EPHB1: variants seen among roughly 807,000 people sequenced by gnomAD.
EPHB1 encodes ephrin type-B receptor 1.
EPHB1 carries 30 observed loss-of-function variants against 94.4 expected under a neutral mutation model. That is an observed-to-expected ratio of 0.32 (90% CI 0.24 to 0.43). The LOEUF (loss-of-function observed/expected upper bound fraction) is 0.43, where lower values mean the gene tolerates loss of function less well. EPHB1 is among the 20% of genes least tolerant of loss of function. The pLI is 1.00. For missense variants in EPHB1, 1,055 were observed against 1,308.3 expected, an observed-to-expected ratio of 0.81 and a Z score of 2.99; for synonymous variants, 522 against 489.1, an observed-to-expected ratio of 1.07 and a Z score of -0.89.
chr3:134,841,900 G>T (rs2036785140), intron 1 of EPHB1, among the ~76,000 whole-genome samples: 1 of 152,022 alleles, frequency 6.6e-6, no homozygotes, highest in Non-Finnish European at 1.5e-5. Flanking sequence ...GTTTTTTCCT[G>T]GCTGAACTCA....
intron 1 of EPHB1, among the ~76,000 whole-genome samples, chr3:134,825,697 C>A (rs1259442268): frequency 6.6e-6 from 1 of 152,178 alleles, no homozygotes; most frequent in Non-Finnish European, 1.5e-5. Context: ...CTTGTTCTTA[C>A]TCAACCCATG....
At chr3:134,825,007 A>C (rs2036449515) in intron 1 of EPHB1, among the ~76,000 whole-genome samples, 1 of 152,252 alleles carries the variant, frequency 6.6e-6, no homozygotes, top group Admixed American at 6.5e-5. Flanking sequence ...GCAGGACTGT[A>C]AGAGCTAATA....
intron 2 of EPHB1, among the ~76,000 whole-genome samples, chr3:134,927,709 A>G (rs889390592): frequency 3.3e-5 from 5 of 152,224 alleles, no homozygotes; most frequent in Non-Finnish European, 4.4e-5. Context: ...CTTGAGGGAA[A>G]CATTCAAAGT....
At chr3:135,142,296 GT>G (rs1223269400) in intron 5 of EPHB1, among the ~76,000 whole-genome samples, 1 of 152,186 alleles carries the variant, frequency 6.6e-6, no homozygotes, top group Non-Finnish European at 1.5e-5. Context: ...CTCATTTGAA[GT>G]TGGTGATCAC....
At chr3:135,151,907 T>A (rs536100573) in intron 5 of EPHB1, among the ~76,000 whole-genome samples, 1 of 152,204 alleles carries the variant, frequency 6.6e-6, no homozygotes, top group African/African-American at 2.4e-5. Flanking sequence ...AGGTTATATA[T>A]AACTGCCATT....
intron 12 of EPHB1, among the ~76,000 whole-genome samples, chr3:135,226,399 A>G (rs559141829): frequency 5.2e-5 from 8 of 152,388 alleles, no homozygotes; most frequent in African/African-American, 1.9e-4. Context: ...GAATGAATTA[A>G]GAAATTCACG....
At chr3:134,844,536 G>A (rs978553183) in intron 1 of EPHB1, among the ~76,000 whole-genome samples, 7 of 152,132 alleles carry the variant, frequency 4.6e-5, no homozygotes, top group African/African-American at 1.4e-4. Context: ...TACTGCTGCC[G>A]GATATGGCAT....
At chr3:134,932,815 C>A (rs2038930894) in intron 2 of EPHB1, among the ~76,000 whole-genome samples, 1 of 152,156 alleles carries the variant, frequency 6.6e-6, no homozygotes, top group Admixed American at 6.5e-5. Context: ...AGAAATTTAG[C>A]TCTGGGCAAA....
At chr3:135,073,761 T>C (rs1267438705) in intron 3 of EPHB1, among the ~76,000 whole-genome samples, 1 of 152,184 alleles carries the variant, frequency 6.6e-6, no homozygotes, top group African/African-American at 2.4e-5. Flanking sequence ...ATCTATAGTT[T>C]TCCCCCTTTC....
At chr3:135,251,001 A>G (rs993171146) in intron 15 of EPHB1, among the ~76,000 whole-genome samples, 1 of 151,228 alleles carries the variant, frequency 6.6e-6, no homozygotes, top group South Asian at 2.1e-4. Context: ...TGACATTCCA[A>G]CAGTTTTCCT....
chr3:134,910,650 T>C (rs36214), intron 1 of EPHB1, among the ~76,000 whole-genome samples: 53,682 of 152,118 alleles, frequency 0.35, 12,589 homozygotes, highest in African/African-American at 0.66. Context: ...AGGGGTAGAA[T>C]GGCAAAAGGT....
chr3:134,871,937 G>A (rs1246142439), intron 1 of EPHB1, among the ~76,000 whole-genome samples: 2 of 152,234 alleles, frequency 1.3e-5, no homozygotes, highest in African/African-American at 2.4e-5. Flanking sequence ...GTGGTAGCCA[G>A]ATAGCTTCAT....
intron 3 of EPHB1, among the ~76,000 whole-genome samples, chr3:135,085,351 T>C (rs1322985244): frequency 6.6e-6 from 1 of 152,258 alleles, no homozygotes; most frequent in East Asian, 1.9e-4. Flanking sequence ...GACATTTGGC[T>C]GTTCTCTTGG....
intron 1 of EPHB1, among the ~76,000 whole-genome samples, chr3:134,802,228 A>C (rs962889661): frequency 2.0e-5 from 3 of 151,828 alleles, no homozygotes; most frequent in African/African-American, 7.3e-5. Context: ...CGAGGTCAGG[A>C]GATTGAGAAC....
At chr3:134,965,910 T>G (rs958423841) in intron 3 of EPHB1, among the ~76,000 whole-genome samples, 1 of 152,202 alleles carries the variant, frequency 6.6e-6, no homozygotes, top group Non-Finnish European at 1.5e-5. Context: ...TCCCAGGGGT[T>G]GGTGGCCTTG....
intron 9 of EPHB1, among the ~76,000 whole-genome samples, chr3:135,175,797 C>T (rs1194727610): frequency 6.6e-6 from 1 of 152,030 alleles, no homozygotes; most frequent in East Asian, 1.9e-4. Flanking sequence ...TAATATTTCC[C>T]CAACACTCAC....
rs148191353 is a variant in EPHB1 at position 135,098,833 on chromosome 3, A to G, written c.806-7615A>G. Among the ~76,000 whole-genome samples the G allele has an allele frequency of 9.1e-3, 1,377 of 152,058 alleles. 17 individuals are homozygous for G. The highest frequency in any genetic ancestry group is 0.032 in the African/African-American group (1,309 of 41,488). ...TCAGAACAAGCCTGGCCAACACGGT[A>G]AAACCCCGTCTGTACTAAAAATACA... On this transcript the variant is annotated intron_variant, in intron 3 of 15. Coordinates refer to ENST00000398015, the MANE Select transcript of EPHB1 (RefSeq NM_004441.5).
rs1942488712 is a variant in EPHB1, at chr3:135,192,563, T to G, written c.1883-13T>G. 1 of 1,611,818 alleles carries G rather than the reference T, an allele frequency of 6.2e-7. No homozygotes were observed. Among genetic ancestry groups the G allele is most frequent in the South Asian group, 1.1e-5 (1 of 90,924 alleles). On this transcript the variant is annotated splice_polypyrimidine_tract_variant and intron_variant, in intron 10 of 15. Coordinates refer to ENST00000398015, the MANE Select transcript of EPHB1 (RefSeq NM_004441.5). Reference sequence around the variant, plus strand: ...GAAGGAAGAGGATATTAATGGCATTTTTGCTGTTGCAGGGGAGTTTGGAGA... The same window carrying G: ...GAAGGAAGAGGATATTAATGGCATTGTTGCTGTTGCAGGGGAGTTTGGAGA...
At chr3:135,064,556 AT>A (rs139454424) in intron 3 of EPHB1, among the ~76,000 whole-genome samples, 13,131 of 151,958 alleles carry the variant, frequency 0.086, 747 homozygotes, top group African/African-American at 0.16. Flanking sequence ...CTCTTGTTTC[AT>A]TTCTCATTGA....
Sources: gnomAD v4.1 joint callset for allele counts (sites outside exome capture counted in the v4.1 genomes callset) on GRCh38, gnomAD v4.1.1 for gene constraint, MANE v1.5 for transcripts, NCBI Gene and HGNC (gene_info 2026-07-23, HGNC 2026-07-21) for gene names.